VPS13B: variants seen among roughly 807,000 people sequenced by gnomAD.
VPS13B encodes the protein vacuolar protein sorting 13 homolog B, also known as intermembrane lipid transfer protein VPS13B.
In VPS13B, 285 loss-of-function variants were observed where a neutral mutation model predicts 426.4. The observed-to-expected ratio is 0.67, with a 90% confidence interval of 0.61 to 0.74. The LOEUF (loss-of-function observed/expected upper bound fraction) is 0.74, where lower values mean the gene tolerates loss of function less well. VPS13B is among the 30% of genes least tolerant of loss of function. The pLI, the probability that VPS13B is intolerant of heterozygous loss-of-function variation, is 0.00. For synonymous variants in VPS13B, 1,676 were observed against 1,676.4 expected (o/e 1.00, Z 0.01); for missense variants, 4,537 against 4,782.6 (o/e 0.95, Z 1.51).
chr8:99,799,545 C>G (rs1259468070), intron 43 of VPS13B, among the ~76,000 whole-genome samples: 1 of 152,170 alleles, frequency 6.6e-6, no homozygotes, highest in Non-Finnish European at 1.5e-5. Context: ...TACAGCAAGG[C>G]AGTTTAGTTA....
At chr8:99,775,007 G>T (rs1811670048) in intron 40 of VPS13B, among the ~76,000 whole-genome samples, 1 of 152,116 alleles carries the variant, frequency 6.6e-6, no homozygotes, top group Admixed American at 6.6e-5. Flanking sequence ...AAACATGCTG[G>T]AATGCTCCTA....
intron 30 of VPS13B, among the ~76,000 whole-genome samples, chr8:99,527,558 C>T (rs1263488192): frequency 6.6e-6 from 1 of 152,070 alleles, no homozygotes; most frequent in African/African-American, 2.4e-5. Flanking sequence ...AACCATATCC[C>T]TGATTTATAC....
intron 43 of VPS13B, among the ~76,000 whole-genome samples, chr8:99,802,678 A>G (rs1391896642): frequency 4.6e-5 from 7 of 152,200 alleles, no homozygotes; most frequent in Non-Finnish European, 1.0e-4. Context: ...TTGTTTTACA[A>G]AAATGGGGTG....
chr8:99,744,807 C>G (rs1809985377), intron 39 of VPS13B, among the ~76,000 whole-genome samples: 1 of 151,326 alleles, frequency 6.6e-6, no homozygotes, highest in Non-Finnish European at 1.5e-5. Context: ...ACATCACACA[C>G]CGGGGCCTGT....
intron 33 of VPS13B, among the ~76,000 whole-genome samples, chr8:99,628,147 T>TC (rs1563832616): frequency 2.6e-5 from 4 of 152,206 alleles, no homozygotes; most frequent in African/African-American, 4.8e-5. Context: ...GTCAGTTTTT[T>TC]CCCACATAGC....
chr8:99,843,258 C>T (rs1265314788), intron 54 of VPS13B, among the ~76,000 whole-genome samples: 2 of 152,140 alleles, frequency 1.3e-5, no homozygotes, highest in East Asian at 3.8e-4. Context: ...CTAGAGCCTT[C>T]CATGCCACCC....
intron 17 of VPS13B, among the ~76,000 whole-genome samples, chr8:99,212,068 T>G (rs1409794978): frequency 6.6e-6 from 1 of 152,018 alleles, no homozygotes; most frequent in Non-Finnish European, 1.5e-5. Context: ...AATTTTTGTA[T>G]TTTTAGTAGA....
chr8:99,737,663 C>G (rs1171111082), intron 39 of VPS13B, among the ~76,000 whole-genome samples: 1 of 152,218 alleles, frequency 6.6e-6, no homozygotes, highest in Non-Finnish European at 1.5e-5. Context: ...ACAGTTTTCT[C>G]TACCTTGGTG....
chr8:99,038,679 CTTTTTT>C (rs34774482), intron 3 of VPS13B, 113 bp downstream of exon 3: 310 of 168,344 alleles, frequency 1.8e-3, no homozygotes, highest in Middle Eastern at 6.7e-3. Flanking sequence ...AGCTTATATA[CTTTTTT>C]TTTTTTTTTT....
At chr8:99,073,622 G>A (rs4581019) in intron 3 of VPS13B, among the ~76,000 whole-genome samples, 46,470 of 148,800 alleles carry the variant, frequency 0.31, 8,709 homozygotes, top group South Asian at 0.56. Context: ...GGCAGTCTAG[G>A]TTTTTCTGTA....
chr8:99,530,136 C>G (rs184806268), intron 30 of VPS13B, among the ~76,000 whole-genome samples: 30 of 152,156 alleles, frequency 2.0e-4, no homozygotes, highest in Admixed American at 1.6e-3. Context: ...CTTTGATGTT[C>G]AACTCTATTT....
chr8:99,474,393 A>T (rs1263120147), intron 24 of VPS13B, among the ~76,000 whole-genome samples: 2 of 151,494 alleles, frequency 1.3e-5, no homozygotes, highest in East Asian at 3.9e-4. Context: ...TCACCTGTTG[A>T]CCAGGCTGGT....
intron 41 of VPS13B, 36 bp downstream of exon 41, chr8:99,776,992 T>G: frequency 6.3e-7 from 1 of 1,583,334 alleles, no homozygotes; most frequent in South Asian, 1.1e-5. Context: ...AACATCCATT[T>G]AATACTTACC....
At chr8:99,854,891 G>A (rs1816470619) in intron 56 of VPS13B, among the ~76,000 whole-genome samples, 2 of 152,170 alleles carry the variant, frequency 1.3e-5, no homozygotes. Context: ...CCACAGACCT[G>A]AGCTCAAAGA....
chr8:99,493,511 G>A (rs149549069), intron 25 of VPS13B, among the ~76,000 whole-genome samples: 23 of 152,216 alleles, frequency 1.5e-4, no homozygotes, highest in South Asian at 6.2e-4. Flanking sequence ...TGGGTTGGGC[G>A]TGGTGGCTCA....
chr8:99,702,930 GA>G (rs757647417), intron 36 of VPS13B, among the ~76,000 whole-genome samples: 3 of 152,042 alleles, frequency 2.0e-5, no homozygotes, highest in Non-Finnish European at 4.4e-5. Flanking sequence ...ACACCATTGA[GA>G]ATGTGTTTTA....
intron 32 of VPS13B, among the ~76,000 whole-genome samples, chr8:99,577,162 A>G (rs1428732912): frequency 6.6e-6 from 1 of 152,168 alleles, no homozygotes; most frequent in African/African-American, 2.4e-5. Flanking sequence ...TATGCTACAC[A>G]ATTATATTGT....
chr8:99,524,363 T>C (rs1397126873), intron 30 of VPS13B, among the ~76,000 whole-genome samples: 5 of 152,112 alleles, frequency 3.3e-5, no homozygotes, highest in Non-Finnish European at 7.4e-5. Context: ...GAGAAAGATA[T>C]CAATTCAAGT....
chr8:99,796,011 G>A (rs983928486), intron 43 of VPS13B, among the ~76,000 whole-genome samples: 1 of 152,194 alleles, frequency 6.6e-6, no homozygotes, highest in Non-Finnish European at 1.5e-5. Flanking sequence ...CTTGCAAAAG[G>A]ATCAGTAGCA....
Sources: gnomAD v4.1 joint callset for allele counts (sites outside exome capture counted in the v4.1 genomes callset) on GRCh38, gnomAD v4.1.1 for gene constraint, MANE v1.5 for transcripts, NCBI Gene and HGNC (gene_info 2026-07-23, HGNC 2026-07-21) for gene names.